The following ANKS1B variants were observed in gnomAD, a reference collection of about 807,000 sequenced individuals.
ANKS1B encodes the protein ankyrin repeat and sterile alpha motif domain containing 1B, also known as ankyrin repeat and sterile alpha motif domain-containing protein 1B.
ANKS1B carries 36 observed loss-of-function variants against 148.3 expected under a neutral mutation model. The observed-to-expected ratio is 0.24, with a 90% CI of 0.19 to 0.32. The LOEUF (loss-of-function observed/expected upper bound fraction) is 0.32, where lower values mean the gene tolerates loss of function less well. ANKS1B is among the 10% of genes least tolerant of loss of function. The probability of loss-of-function intolerance (pLI) is 1.00; values close to 1 mark genes in which losing one functional copy is unlikely to be tolerated. For missense variants in ANKS1B, 1,157 were observed against 1,542.6 expected (o/e 0.75, Z 4.19); for synonymous variants, 542 against 560.8 (o/e 0.97, Z 0.47).
chr12:99,367,818 A>G lies in ANKS1B; in HGVS notation c.1756+31813T>C, dbSNP rs138943064. ...TGTGTGTGTGTGTGTTGTAAAAAGA[A>G]AATTCTTAAAAATGATAACATAGCG... On this transcript the variant is annotated intron_variant, in intron 12 of 26. Coordinates refer to ENST00000683438, the MANE Select transcript of ANKS1B (RefSeq NM_001352186.2). Among the ~76,000 whole-genome samples the G allele has an allele frequency of 4.6e-5, 7 of 152,026 alleles. 1 individual carries two copies. The highest frequency in any genetic ancestry group is 1.7e-4 in the African/African-American group (7 of 41,488).
intron 9 of ANKS1B, among the ~76,000 whole-genome samples, chr12:99,600,384 A>G (rs2097791015): frequency 6.6e-6 from 1 of 151,982 alleles, no homozygotes; most frequent in South Asian, 2.1e-4. Flanking sequence ...CTTCTACAAT[A>G]CCACATCACA....
intron 15 of ANKS1B, among the ~76,000 whole-genome samples, chr12:99,100,725 T>G (rs1349030387): frequency 6.6e-6 from 1 of 152,196 alleles, no homozygotes; most frequent in Non-Finnish European, 1.5e-5. Context: ...AGATTGGGTT[T>G]TGCCATGTTG....
intron 14 of ANKS1B, among the ~76,000 whole-genome samples, chr12:99,224,503 C>T (rs1205687325): frequency 1.3e-5 from 2 of 152,056 alleles, no homozygotes; most frequent in Admixed American, 1.3e-4. Context: ...CAGCACCTCC[C>T]CCTTCTCTCT....
intron 16 of ANKS1B, among the ~76,000 whole-genome samples, chr12:99,054,755 G>A (rs1438682702): frequency 6.6e-6 from 1 of 152,130 alleles, no homozygotes; most frequent in African/African-American, 2.4e-5. Context: ...TGTTGGCCAG[G>A]CTGGTCTCAA....
At chr12:99,384,674 C>A (rs1024173652) in intron 12 of ANKS1B, among the ~76,000 whole-genome samples, 2 of 151,788 alleles carry the variant, frequency 1.3e-5, no homozygotes, top group South Asian at 4.2e-4. Context: ...CCTTCCTCAC[C>A]ATGTTCCATC....
chr12:99,401,116 T>A (rs2094392893), intron 11 of ANKS1B, among the ~76,000 whole-genome samples: 1 of 146,062 alleles, frequency 6.8e-6, no homozygotes, highest in Admixed American at 6.8e-5. Flanking sequence ...AGAGTGCAAG[T>A]CATTTATTAT....
rs541718529 is a variant in ANKS1B at position 99,367,891 on chromosome 12, C to G, written c.1756+31740G>C. 4.6e-5 allele frequency among the ~76,000 whole-genome samples: 7 copies of G among 152,154 alleles called. 1 individual carries two copies. Among genetic ancestry groups the G allele is most frequent in the African/African-American group, 1.7e-4 (7 of 41,514 alleles). ...GGGAATAGATGGAAAGAAGAATTTT[C>G]TGAGTACACCTTTTTATATAATTTT... On this transcript the variant is annotated intron_variant, in intron 12 of 26. Transcript: ENST00000683438.
intron 14 of ANKS1B, among the ~76,000 whole-genome samples, chr12:99,211,195 T>C (rs1206491578): frequency 1.3e-5 from 2 of 152,162 alleles, no homozygotes; most frequent in South Asian, 4.1e-4. Context: ...AGAAAATGTA[T>C]AGGAAGCCAT....
chr12:99,575,187 G>A (rs2097504078), intron 9 of ANKS1B, among the ~76,000 whole-genome samples: 1 of 152,030 alleles, frequency 6.6e-6, no homozygotes, highest in African/African-American at 2.4e-5. Flanking sequence ...GGCTAACAGT[G>A]GTCATTTTAG....
At chr12:98,768,457 G>A (rs1180746559) in intron 25 of ANKS1B, among the ~76,000 whole-genome samples, 1 of 124,388 alleles carries the variant, frequency 8.0e-6, no homozygotes, top group South Asian at 2.7e-4. Context: ...AAAAAAGGCC[G>A]GGCACGGTGG....
intron 25 of ANKS1B, among the ~76,000 whole-genome samples, chr12:98,762,375 C>T (rs534559076): frequency 7.4e-4 from 112 of 152,190 alleles, no homozygotes; most frequent in Admixed American, 2.4e-3. Flanking sequence ...TAGAGATGCA[C>T]GCACAGTTGA....
Position 98,843,386 on chromosome 12 carries a change from C to T in ANKS1B, c.2779-11250G>A, listed in dbSNP as rs754915171. Among the ~76,000 whole-genome samples the T allele has an allele frequency of 7.9e-5, 12 of 152,338 alleles. 1 individual carries two copies. Among genetic ancestry groups the T allele is most frequent in the South Asian group, 4.1e-4 (2 of 4,822 alleles). The stretch of plus-strand genomic sequence containing the variant: ...ATCCTGTGGGTTTTGCCTCTTCACA[C>T]GTCAGCTTCCCCTTTAACCTTTCAC... On this transcript the variant is annotated intron_variant, in intron 17 of 26. Coordinates refer to ENST00000683438, the MANE Select transcript of ANKS1B (RefSeq NM_001352186.2).
intron 1 of ANKS1B, among the ~76,000 whole-genome samples, chr12:99,903,437 A>G (rs541902729): frequency 2.0e-5 from 3 of 152,278 alleles, no homozygotes; most frequent in Non-Finnish European, 2.9e-5. Flanking sequence ...TAAAGTTCCT[A>G]CTTCTAGGAG....
chr12:99,515,403 C>G (rs147063440), intron 9 of ANKS1B, among the ~76,000 whole-genome samples: 3 of 152,190 alleles, frequency 2.0e-5, no homozygotes, highest in Non-Finnish European at 2.9e-5. Flanking sequence ...CATTTAGATT[C>G]CACAAATAAG....
intron 1 of ANKS1B, among the ~76,000 whole-genome samples, chr12:99,864,407 C>G (rs181384094): frequency 6.6e-6 from 1 of 152,314 alleles, no homozygotes; most frequent in Admixed American, 6.5e-5. Context: ...TGATCTCACA[C>G]AATCTCCTTC....
chr12:98,855,578 A>C (rs534720349), intron 17 of ANKS1B, among the ~76,000 whole-genome samples: 1 of 152,382 alleles, frequency 6.6e-6, no homozygotes, highest in East Asian at 1.9e-4. Flanking sequence ...CAGTAAGTAC[A>C]CTATTAATAA....
At chr12:99,798,666 A>C (rs1248723495) in intron 4 of ANKS1B, among the ~76,000 whole-genome samples, 7 of 152,034 alleles carry the variant, frequency 4.6e-5, no homozygotes, top group Admixed American at 4.6e-4. Context: ...TAAAGGTTAT[A>C]AGAATGTTTA....
At chr12:99,191,563 A>C (rs1032461913) in intron 14 of ANKS1B, among the ~76,000 whole-genome samples, 3 of 152,188 alleles carry the variant, frequency 2.0e-5, no homozygotes, top group Admixed American at 6.5e-5. Flanking sequence ...ATGAAGCAGG[A>C]AACCATCATT....
At chr12:99,141,099 C>T (rs1215662884) in intron 15 of ANKS1B, among the ~76,000 whole-genome samples, 1 of 152,074 alleles carries the variant, frequency 6.6e-6, no homozygotes, top group Non-Finnish European at 1.5e-5. Flanking sequence ...TTCTTTCCAT[C>T]CTTCTTTCTT....
Sources: gnomAD v4.1 joint callset for allele counts (sites outside exome capture counted in the v4.1 genomes callset) on GRCh38, gnomAD v4.1.1 for gene constraint, MANE v1.5 for transcripts, NCBI Gene and HGNC (gene_info 2026-07-23, HGNC 2026-07-21) for gene names.